Variants in TAF3 observed in about 807,000 individuals in gnomAD.
The protein encoded by TAF3 is transcription initiation factor TFIID subunit 3.
A neutral mutation model predicts 80.6 loss-of-function variants in TAF3; 7 were observed. That is an observed-to-expected ratio of 0.09 (90% CI 0.05 to 0.16). TAF3 has a LOEUF of 0.16. Ranked by LOEUF, TAF3 falls within the 10% of genes least tolerant of loss-of-function variation. The probability of loss-of-function intolerance (pLI) is 1.00; values close to 1 mark genes in which losing one functional copy is unlikely to be tolerated. For missense variants in TAF3, 921 were observed against 1,140.2 expected, an observed-to-expected ratio of 0.81 and a Z score of 2.77; for synonymous variants, 444 against 446.1, an observed-to-expected ratio of 1.00 and a Z score of 0.06.
chr10:7,968,689 GA>G (rs2131415263), intron 3 of TAF3, among the ~76,000 whole-genome samples: 1 of 152,266 alleles, frequency 6.6e-6, no homozygotes, highest in African/African-American at 2.4e-5. Context: ...CTAAGGCTTA[GA>G]GAGATTAGTA....
intron 2 of TAF3, among the ~76,000 whole-genome samples, chr10:7,920,708 TTAAAA>T (rs1168248155): frequency 6.6e-6 from 1 of 152,218 alleles, no homozygotes; most frequent in Non-Finnish European, 1.5e-5. Context: ...TTGTCATTCT[TTAAAA>T]TAATATGGTT....
At chr10:7,970,275 G>A (rs543360949) in intron 3 of TAF3, among the ~76,000 whole-genome samples, 10 of 152,328 alleles carry the variant, frequency 6.6e-5, no homozygotes, top group East Asian at 3.9e-4. Flanking sequence ...AAACTAACTC[G>A]ATAGTCAACA....
intron 4 of TAF3, among the ~76,000 whole-genome samples, chr10:7,979,128 AG>A (rs1273817153): frequency 2.0e-5 from 3 of 152,072 alleles, no homozygotes; most frequent in Non-Finnish European, 2.9e-5. Context: ...GTGGATCACA[AG>A]GTCAGGAGAT....
At chr10:7,824,838 C>G (rs1836725769) in intron 2 of TAF3, among the ~76,000 whole-genome samples, 1 of 152,146 alleles carries the variant, frequency 6.6e-6, no homozygotes, top group South Asian at 2.1e-4. Context: ...TTCAACAGCC[C>G]TATTATATGA....
At chr10:8,000,440 A>G (rs1005342556) in intron 4 of TAF3, among the ~76,000 whole-genome samples, 35 of 151,754 alleles carry the variant, frequency 2.3e-4, no homozygotes, top group African/African-American at 7.5e-4. Context: ...TATGCAAGTT[A>G]TGTTTGTTAA....
intron 1 of TAF3, among the ~76,000 whole-genome samples, chr10:7,821,963 C>G (rs1176833436): frequency 3.3e-5 from 5 of 152,138 alleles, no homozygotes; most frequent in Non-Finnish European, 5.9e-5. Context: ...AGGTGTTCAG[C>G]TCCCTATGCA....
intron 2 of TAF3, among the ~76,000 whole-genome samples, chr10:7,833,337 C>A (rs930158418): frequency 6.6e-5 from 10 of 152,306 alleles, no homozygotes; most frequent in African/African-American, 1.9e-4. Context: ...AAGGATTCCC[C>A]CTTTTCTCCA....
intron 2 of TAF3, among the ~76,000 whole-genome samples, chr10:7,877,666 A>G (rs1026297380): frequency 6.6e-5 from 10 of 152,214 alleles, no homozygotes; most frequent in Admixed American, 5.9e-4. Context: ...TTTTAGAGGT[A>G]AAGTGCCCTC....
intron 2 of TAF3, among the ~76,000 whole-genome samples, chr10:7,948,265 T>C (rs1309134770): frequency 6.6e-6 from 1 of 150,878 alleles, no homozygotes; most frequent in Admixed American, 6.6e-5. Context: ...TTTCTTTTTT[T>C]TTTTTTTAGA....
At chr10:7,875,553 G>A (rs1837305551) in intron 2 of TAF3, among the ~76,000 whole-genome samples, 1 of 152,206 alleles carries the variant, frequency 6.6e-6, no homozygotes, top group African/African-American at 2.4e-5. Context: ...CAGCGGGCAC[G>A]AAGGGGTTGT....
chr10:7,933,797 T>C (rs1028787424), intron 2 of TAF3, among the ~76,000 whole-genome samples: 1 of 152,194 alleles, frequency 6.6e-6, no homozygotes, highest in African/African-American at 2.4e-5. Context: ...ACTATGAAAT[T>C]ATGGAAATCA....
intron 2 of TAF3, among the ~76,000 whole-genome samples, chr10:7,915,273 G>T (rs949636572): frequency 1.3e-5 from 2 of 151,726 alleles, no homozygotes; most frequent in Admixed American, 6.6e-5. Flanking sequence ...AAGAACCTGC[G>T]CTCTTCCCTT....
chr10:7,969,792 G>T (rs1215944230), intron 3 of TAF3, among the ~76,000 whole-genome samples: 2 of 152,132 alleles, frequency 1.3e-5, no homozygotes, highest in African/African-American at 4.8e-5. Flanking sequence ...TCCAGTGCTG[G>T]CTGAGGGAGC....
At chr10:7,830,920 G>A (rs1836793504) in intron 2 of TAF3, among the ~76,000 whole-genome samples, 1 of 152,178 alleles carries the variant, frequency 6.6e-6, no homozygotes, top group Non-Finnish European at 1.5e-5. Flanking sequence ...TCATAATGCA[G>A]CTCAATGTGT....
Position 7,965,311 on chromosome 10 carries a change from A to G in TAF3, c.1801A>G (p.Lys601Glu). 1 of 1,605,326 alleles carries G rather than the reference A, an allele frequency of 6.2e-7. No homozygotes were observed. Among genetic ancestry groups the G allele is most frequent in the Non-Finnish European group, 8.5e-7 (1 of 1,178,046 alleles). The change falls in exon 3 of 7, where the codon AAA (lysine) becomes GAA (glutamate). Residue 601 changes from lysine (K) to glutamate (E), a missense_variant. Coordinates refer to ENST00000344293, the MANE Select transcript of TAF3 (RefSeq NM_031923.4). Reference protein sequence around the residue: ...KIKEFEDVDPKVKLKDGLVRK... With the variant: ...KIKEFEDVDPEVKLKDGLVRK... ...CAAAGAATTTGAAGATGTTGATCCCAAAGTGAAATTGAAAGATGGACTTGT... is the reference window on the plus strand; with the variant it reads ...CAAAGAATTTGAAGATGTTGATCCCGAAGTGAAATTGAAAGATGGACTTGT...
chr10:7,941,928 T>C (rs17143125), intron 2 of TAF3, among the ~76,000 whole-genome samples: 28,131 of 152,088 alleles, frequency 0.18, 2,708 homozygotes, highest in East Asian at 0.29. Flanking sequence ...TCTTTTTGTT[T>C]TTAATAATTA....
At chr10:7,898,155 A>G (rs1278850286) in intron 2 of TAF3, among the ~76,000 whole-genome samples, 4 of 152,208 alleles carry the variant, frequency 2.6e-5, no homozygotes, top group Admixed American at 2.0e-4. Flanking sequence ...TGGAAGTACA[A>G]ATGGCTTCAA....
chr10:7,943,204 T>C lies in TAF3; in HGVS notation c.410-20716T>C, dbSNP rs1438072175. 2.6e-5 allele frequency among the ~76,000 whole-genome samples: 4 copies of C among 152,234 alleles called. No individual in the cohort carries two copies. In the East Asian group the frequency reaches 7.7e-4, roughly 29 times the overall value. On this transcript the variant is annotated intron_variant, in intron 2 of 6. Coordinates refer to ENST00000344293, the MANE Select transcript of TAF3 (RefSeq NM_031923.4). ...GCGCTGCCTTTGCCGTTGCCTTGAA[T>C]GAAACAGGCGCTCGATGTTGGCCTC... is the stretch of plus-strand genomic sequence containing the variant.
chr10:8,007,998 T>C (rs955189544), intron 4 of TAF3, among the ~76,000 whole-genome samples: 1 of 151,742 alleles, frequency 6.6e-6, no homozygotes, highest in Non-Finnish European at 1.5e-5. Flanking sequence ...AGGGTCACAG[T>C]ACCACAGCTC....
Sources: gnomAD v4.1 joint callset for allele counts (sites outside exome capture counted in the v4.1 genomes callset) on GRCh38, gnomAD v4.1.1 for gene constraint, MANE v1.5 for transcripts, NCBI Gene and HGNC (gene_info 2026-07-23, HGNC 2026-07-21) for gene names.